ITGBL1: variants seen among roughly 807,000 people sequenced by gnomAD.
ITGBL1 encodes integrin subunit beta like 1.
Under a neutral mutation model 68.5 loss-of-function variants are expected in ITGBL1, and 51 were observed. That is an observed-to-expected ratio of 0.74 (90% confidence interval 0.59 to 0.94). The LOEUF (loss-of-function observed/expected upper bound fraction) is 0.94. Among genes scored for constraint, ITGBL1 ranks in the 40% least tolerant of loss-of-function variants. The pLI is 0.00. For missense variants in ITGBL1, 649 were observed against 647.4 expected, an observed-to-expected ratio of 1.00 and a Z score of -0.03; for synonymous variants, 209 against 227.3, an observed-to-expected ratio of 0.92 and a Z score of 0.72.
At chr13:101,705,187 G>A (rs73564272) in intron 8 of ITGBL1, among the ~76,000 whole-genome samples, 2,437 of 150,380 alleles carry the variant, frequency 0.016, 72 homozygotes, top group African/African-American at 0.055. Context: ...TTAAAAAACC[G>A]CTCTCCCAGA....
intron 3 of ITGBL1, 60 bp from the exon 4 acceptor site, chr13:101,575,364 T>A: frequency 6.7e-7 from 1 of 1,490,248 alleles, no homozygotes. Context: ...GGTATAAAAA[T>A]TCATTAATTA....
In ITGBL1 at chr13:101,715,844, A is replaced by G. The variant is rs1801803; in HGVS notation, c.*190A>G. On this transcript the variant is annotated 3_prime_UTR_variant, in exon 11 of 11. Transcript: ENST00000376180. ...TTATGCAAATTTAGATGCAAATAAC[A>G]TTAGAAAAAAAAGATTCTTCCATAA... is the stretch of plus-strand genomic sequence containing the variant. The G allele has an allele frequency of 0.061, 28,459 of 462,896 alleles. 1,434 individuals carry two copies. Among genetic ancestry groups the G allele is most frequent in the African/African-American group, 0.19 (9,632 of 50,126 alleles). The allele number at this position is 462,896 out of a possible 1,614,324, so 28.7% of individuals were successfully genotyped here.
At chr13:101,580,973 A>G (rs563380735) in intron 5 of ITGBL1, among the ~76,000 whole-genome samples, 9 of 152,320 alleles carry the variant, frequency 5.9e-5, no homozygotes, top group Middle Eastern at 3.4e-3. Flanking sequence ...ATTCAGGGGT[A>G]CTTGAAGACA....
At chr13:101,540,538 T>C (rs989538796) in intron 2 of ITGBL1, among the ~76,000 whole-genome samples, 3 of 152,220 alleles carry the variant, frequency 2.0e-5, no homozygotes, top group African/African-American at 7.2e-5. Flanking sequence ...CAATGTGGGC[T>C]CTTTTTTGGT....
rs1284532501 is a variant in ITGBL1, at chr13:101,579,338, G to A, written c.638G>A (p.Gly213Glu). ...TGCTACTGCAAGGCTGGTTGGCATG[G>A]AGATAAATGTGAATTCCAGTGCGAT... is the stretch of plus-strand genomic sequence containing the variant. ...GNCYCKAGWH[G>E]DKCEFQCDIT... Residue 213 changes from glycine (G) to glutamate (E), a missense_variant, in exon 5 of 11, where the codon GGA becomes GAA. Coordinates refer to ENST00000376180, the MANE Select transcript of ITGBL1 (RefSeq NM_004791.3). The A allele has an allele frequency of 6.2e-7, 1 of 1,613,884 alleles. No homozygotes were observed. Among genetic ancestry groups the A allele is most frequent in the Admixed American group, 1.7e-5 (1 of 59,968 alleles).
At chr13:101,655,661 T>C (rs969666051) in intron 7 of ITGBL1, among the ~76,000 whole-genome samples, 4 of 152,234 alleles carry the variant, frequency 2.6e-5, no homozygotes, top group African/African-American at 9.6e-5. Context: ...AAACATCCAC[T>C]CTTCCTGCCA....
intron 1 of ITGBL1, 55 bp downstream of exon 1, chr13:101,452,986 C>A: frequency 6.9e-7 from 1 of 1,447,064 alleles, no homozygotes; most frequent in Non-Finnish European, 9.7e-7. Flanking sequence ...TGTGGCAGGG[C>A]TCAAGCTTGC....
chr13:101,626,281 T>C (rs2031776463), intron 7 of ITGBL1, among the ~76,000 whole-genome samples: 1 of 152,252 alleles, frequency 6.6e-6, no homozygotes, highest in South Asian at 2.1e-4. Context: ...TGGATTTTTA[T>C]AGCCTTTCTC....
intron 8 of ITGBL1, among the ~76,000 whole-genome samples, chr13:101,701,071 ATAAC>A (rs1166082706): frequency 1.3e-5 from 2 of 152,212 alleles, no homozygotes; most frequent in African/African-American, 4.8e-5. Flanking sequence ...TCTTGAAGAG[ATAAC>A]TAAATTATTA....
At chr13:101,645,886 A>G (rs964725062) in intron 7 of ITGBL1, among the ~76,000 whole-genome samples, 18 of 152,160 alleles carry the variant, frequency 1.2e-4, no homozygotes, top group African/African-American at 4.1e-4. Context: ...TTAAGTGGGG[A>G]AAAATCCTAG....
At chr13:101,635,847 A>T (rs1428099557) in intron 7 of ITGBL1, among the ~76,000 whole-genome samples, 2 of 152,214 alleles carry the variant, frequency 1.3e-5, no homozygotes, top group African/African-American at 2.4e-5. Context: ...AATCCAGATC[A>T]AAATTGCATC....
chr13:101,500,862 G>A (rs1208200632), intron 2 of ITGBL1, among the ~76,000 whole-genome samples: 1 of 152,138 alleles, frequency 6.6e-6, no homozygotes, highest in East Asian at 1.9e-4. Context: ...CCAGTCTGAG[G>A]GTGCCTTTGA....
chr13:101,529,409 C>T (rs181382342), intron 2 of ITGBL1, among the ~76,000 whole-genome samples: 258 of 151,844 alleles, frequency 1.7e-3, no homozygotes, highest in Non-Finnish European at 1.7e-3. Flanking sequence ...TAACCAAGAC[C>T]AAAATATGTT....
chr13:101,696,608 A>C (rs74655427), intron 8 of ITGBL1, among the ~76,000 whole-genome samples: 2 of 151,982 alleles, frequency 1.3e-5, no homozygotes, highest in African/African-American at 4.8e-5. Flanking sequence ...ATTACCTCCT[A>C]TAGGAAGCCT....
intron 5 of ITGBL1, among the ~76,000 whole-genome samples, chr13:101,580,081 T>G (rs894689355): frequency 4.6e-5 from 7 of 152,184 alleles, no homozygotes; most frequent in African/African-American, 1.7e-4. Context: ...TTAAAATTCC[T>G]TGAAAATACT....
At chr13:101,622,442 G>GA (rs574492761) in intron 7 of ITGBL1, among the ~76,000 whole-genome samples, 114 of 152,122 alleles carry the variant, frequency 7.5e-4, no homozygotes, top group African/African-American at 2.6e-3. Context: ...TTGTAAGCCT[G>GA]AAAAAAATGC....
intron 6 of ITGBL1, among the ~76,000 whole-genome samples, chr13:101,593,388 G>A (rs982062044): frequency 1.3e-5 from 2 of 151,924 alleles, no homozygotes; most frequent in African/African-American, 2.4e-5. Flanking sequence ...AAATAGAGCT[G>A]TGATATGCAT....
intron 2 of ITGBL1, among the ~76,000 whole-genome samples, chr13:101,499,095 C>T (rs1372049731): frequency 6.6e-6 from 1 of 152,150 alleles, no homozygotes; most frequent in Admixed American, 6.5e-5. Flanking sequence ...TGGGTGGGGA[C>T]ACAGCCAAAC....
chr13:101,602,316 T>C (rs1340411078), intron 7 of ITGBL1, among the ~76,000 whole-genome samples: 1 of 152,030 alleles, frequency 6.6e-6, no homozygotes, highest in Non-Finnish European at 1.5e-5. Flanking sequence ...GTGTTCTTGG[T>C]ATCAGATCAG....
Sources: gnomAD v4.1 joint callset for allele counts (sites outside exome capture counted in the v4.1 genomes callset) on GRCh38, gnomAD v4.1.1 for gene constraint, MANE v1.5 for transcripts, NCBI Gene and HGNC (gene_info 2026-07-23, HGNC 2026-07-21) for gene names.